Variants in POLN observed in about 807,000 individuals in gnomAD.
The protein encoded by POLN is DNA polymerase nu, also known as DNA polymerase N.
A neutral mutation model predicts 113.5 loss-of-function variants in POLN; 108 were observed. The observed-to-expected ratio is 0.95, with a 90% CI of 0.81 to 1.12. POLN has a LOEUF of 1.12. Among genes scored for constraint, POLN ranks in the 50% most tolerant of loss-of-function variants. The pLI is 0.00. For missense variants in POLN, 1,097 were observed against 1,077.1 expected (o/e 1.02, Z -0.26); for synonymous variants, 386 against 391.5 (o/e 0.99, Z 0.17).
At chr4:2,240,226 A>C in intron 2 of POLN, 1 of 1,613,824 alleles carries the variant, frequency 6.2e-7, no homozygotes, top group Non-Finnish European at 8.5e-7. Context: ...TGTATATCTA[A>C]AAGTTGAAAA....
intron 23 of POLN, 72 bp downstream of exon 23, chr4:2,080,886 G>T (rs532306772): frequency 1.2e-5 from 20 of 1,608,728 alleles, no homozygotes; most frequent in Admixed American, 6.7e-5. Flanking sequence ...TCAGAATCAC[G>T]AGCCCCGAGG....
chr4:2,098,250 C>A (rs553102735), intron 19 of POLN, among the ~76,000 whole-genome samples: 1 of 152,032 alleles, frequency 6.6e-6, no homozygotes, highest in African/African-American at 2.4e-5. Flanking sequence ...CCTGTCTCTA[C>A]AAAAATGAAA....
At position 2,075,463 on chromosome 4, in the gene POLN, G is replaced by C. The variant is rs766388861; in HGVS notation, c.2444C>G (p.Pro815Arg). ...TTGCCCCAGGCTACCTGCACACTCC[G>C]GGATCTGCGGATCTTCCACTTCAAA... Reference protein sequence around the residue: ...LLFEVEDPQIPECAALVRRTM... With the variant: ...LLFEVEDPQIRECAALVRRTM... The change falls in exon 24 of 26, where the codon CCG (proline) becomes CGG (arginine). Residue 815 changes from proline (P) to arginine (R), a missense_variant. By Grantham distance (103) the Pro-to-Arg change is moderately radical. Coordinates refer to ENST00000511885, the MANE Select transcript of POLN (RefSeq NM_181808.4). 1 of 1,613,510 alleles carries C rather than the reference G, an allele frequency of 6.2e-7. No individual in the cohort carries two copies. Among genetic ancestry groups the C allele is most frequent in the Admixed American group, 1.7e-5 (1 of 60,028 alleles).
chr4:2,186,506 G>A (rs1031395202), intron 7 of POLN, among the ~76,000 whole-genome samples: 1 of 152,170 alleles, frequency 6.6e-6, no homozygotes, highest in African/African-American at 2.4e-5. Context: ...GGAGCGCTCT[G>A]AAGTTTGCTA....
intron 3 of POLN, among the ~76,000 whole-genome samples, chr4:2,223,440 C>T (rs1053718300): frequency 6.6e-6 from 1 of 152,128 alleles, no homozygotes; most frequent in Non-Finnish European, 1.5e-5. Flanking sequence ...TAATAGGTTG[C>T]GAGCTCCTTA....
At chr4:2,079,994 G>T in intron 23 of POLN, 1 of 985,518 alleles carries the variant, frequency 1.0e-6, no homozygotes, top group Non-Finnish European at 1.2e-6. Context: ...AGTCCCTGGG[G>T]CAGTGCTTAG....
At chr4:2,076,494 C>T (rs550183198) in intron 23 of POLN, 4 of 152,492 alleles carry the variant, frequency 2.6e-5, no homozygotes, top group African/African-American at 9.6e-5. Flanking sequence ...GGACGTGCGG[C>T]GTGGGTAACT....
chr4:2,083,799 A>AAAGG (rs1730486399), intron 21 of POLN, among the ~76,000 whole-genome samples: 1 of 152,272 alleles, frequency 6.6e-6, no homozygotes, highest in Admixed American at 6.5e-5. Flanking sequence ...GGCCCCACTG[A>AAAGG]TGCCACCTGG....
At chr4:2,195,071 C>G (rs761784070) in intron 6 of POLN, among the ~76,000 whole-genome samples, 1 of 152,030 alleles carries the variant, frequency 6.6e-6, no homozygotes, top group Admixed American at 6.5e-5. Context: ...TGTGAAAGGC[C>G]TTGCACAGGT....
At chr4:2,111,500 C>T (rs1458483558) in intron 19 of POLN, among the ~76,000 whole-genome samples, 1 of 152,232 alleles carries the variant, frequency 6.6e-6, no homozygotes, top group African/African-American at 2.4e-5. Context: ...CCCATCGTCT[C>T]AGCCCAAAAT....
intron 19 of POLN, among the ~76,000 whole-genome samples, chr4:2,102,667 A>T (rs755967231): frequency 2.4e-4 from 37 of 152,200 alleles, no homozygotes; most frequent in Non-Finnish European, 3.7e-4. Flanking sequence ...GGGCACAAGG[A>T]CAGACATGCT....
At chr4:2,138,581 G>C (rs1281486972) in intron 16 of POLN, among the ~76,000 whole-genome samples, 1 of 152,172 alleles carries the variant, frequency 6.6e-6, no homozygotes, top group Non-Finnish European at 1.5e-5. Flanking sequence ...GGGTAGCTCA[G>C]AGGAGAAGCC....
chr4:2,241,920 G>C, intron 1 of POLN, 130 bp from the exon 2 acceptor site: 4 of 985,526 alleles, frequency 4.1e-6, no homozygotes, highest in Non-Finnish European at 4.8e-6. Flanking sequence ...TCCCCGGGCA[G>C]CTGCTGGAGC....
intron 20 of POLN, chr4:2,089,518 T>A (rs1730619412): frequency 5.4e-6 from 7 of 1,291,628 alleles, no homozygotes; most frequent in Middle Eastern, 1.8e-4. Flanking sequence ...AAACTGCAAA[T>A]TATCATTTTT....
In POLN at chr4:2,193,146, A is replaced by T. The variant is rs2108756906; in HGVS notation, c.1021+58T>A. 4.6e-6 allele frequency: 6 copies of T among 1,310,098 alleles called. No individual in the cohort carries two copies. The South Asian group carries it at 7.6e-5, about 17-fold the overall frequency. The allele number at this position is 1,310,098 out of a possible 1,614,324, so 81.2% of individuals were successfully genotyped here. ...GGCTGCCCTCACCATTCTCCCATTC[A>T]TAGGAGGAGTCACAGTTGAAGAGTT... On this transcript the variant is annotated intron_variant, in intron 7 of 25. Coordinates refer to ENST00000511885, the MANE Select transcript of POLN (RefSeq NM_181808.4).
intron 13 of POLN, among the ~76,000 whole-genome samples, chr4:2,163,047 A>C (rs1490972546): frequency 1.3e-5 from 2 of 151,640 alleles, no homozygotes; most frequent in East Asian, 3.9e-4. Flanking sequence ...AAAAAAAAAA[A>C]AAAACTCCTG....
At chr4:2,161,472 C>A (rs1051615800) in intron 13 of POLN, among the ~76,000 whole-genome samples, 1 of 152,346 alleles carries the variant, frequency 6.6e-6, no homozygotes, top group African/African-American at 2.4e-5. Flanking sequence ...GCGCTGCGCT[C>A]GATTTCTCAC....
At chr4:2,125,702 C>T (rs1731561342) in intron 19 of POLN, among the ~76,000 whole-genome samples, 1 of 152,132 alleles carries the variant, frequency 6.6e-6, no homozygotes, top group African/African-American at 2.4e-5. Flanking sequence ...GCGGAGATAA[C>T]AATGGGTCTA....
At chr4:2,124,196 G>A (rs989797932) in intron 19 of POLN, among the ~76,000 whole-genome samples, 1 of 152,142 alleles carries the variant, frequency 6.6e-6, no homozygotes, top group African/African-American at 2.4e-5. Context: ...GAGGCGGGGT[G>A]AATTGGGAGT....
Sources: allele counts gnomAD v4.1 joint callset (sites outside exome capture counted in the v4.1 genomes callset), GRCh38; gene constraint gnomAD v4.1.1; transcripts MANE v1.5; gene names NCBI Gene and HGNC (gene_info 2026-07-23, HGNC 2026-07-21).